Variants in USH2A observed in about 807,000 individuals in gnomAD.
USH2A encodes usherin.
A neutral mutation model predicts 538.9 loss-of-function variants in USH2A; 443 were observed. The observed-to-expected ratio is 0.82, with a 90% CI of 0.76 to 0.89. The LOEUF (loss-of-function observed/expected upper bound fraction) is 0.89, where lower values mean the gene tolerates loss of function less well. Ranked by LOEUF, USH2A falls within the 40% of genes least tolerant of loss-of-function variation. USH2A has a pLI of 0.00. For missense variants in USH2A, 6,633 were observed against 6,324.8 expected (o/e 1.05, Z -1.65); for synonymous variants, 2,413 against 2,273.5 (o/e 1.06, Z -1.75).
At chr1:216,298,530 A>G (rs763695597) in intron 9 of USH2A, among the ~76,000 whole-genome samples, 12 of 152,148 alleles carry the variant, frequency 7.9e-5, no homozygotes, top group South Asian at 4.1e-4. Context: ...CAGTGACCCA[A>G]TGGAATGGTT....
At chr1:215,844,641 C>T (rs1663787907) in intron 45 of USH2A, 145 bp from the exon 46 acceptor site, 2 of 857,842 alleles carry the variant, frequency 2.3e-6, no homozygotes, top group Admixed American at 4.1e-5. Context: ...GTCTGTAGTC[C>T]TCTGTAAATT....
At chr1:216,403,488 C>A (rs1013925316) in intron 3 of USH2A, among the ~76,000 whole-genome samples, 1 of 151,968 alleles carries the variant, frequency 6.6e-6, no homozygotes, top group Non-Finnish European at 1.5e-5. Flanking sequence ...AAAACTGCTC[C>A]AAATTCAGAT....
intron 21 of USH2A, among the ~76,000 whole-genome samples, chr1:216,113,522 C>A (rs1484781381): frequency 6.6e-6 from 1 of 152,046 alleles, no homozygotes. Context: ...AAATCTTATT[C>A]TAGTTTTAAT....
intron 64 of USH2A, among the ~76,000 whole-genome samples, chr1:215,659,256 C>T (rs1273434897): frequency 6.6e-6 from 1 of 152,066 alleles, no homozygotes; most frequent in Non-Finnish European, 1.5e-5. Flanking sequence ...GCAGAAAGTA[C>T]CAGATGAAGA....
rs778985004 is a variant in USH2A, at chr1:215,671,189, T to G, written c.13916A>C (p.His4639Pro). ...EIAPLMQPPP[H>P]LEVQMAPGGF... ...TCCTGGAGCCATTTGTACCTCCAGA[T>G]GTGGAGGGGGTTGCATCAAAGGTGC... Residue 4639 changes from histidine to proline, a missense_variant, in exon 64 of 72, where the codon CAT becomes CCT. His to Pro is a moderately conservative substitution (Grantham distance 77). Coordinates refer to ENST00000307340, the MANE Select transcript of USH2A (RefSeq NM_206933.4). The G allele has an allele frequency of 1.9e-6, 3 of 1,614,054 alleles. No homozygotes were observed. The East Asian group carries it at 6.7e-5, about 36-fold the overall frequency.
chr1:216,208,418 T>C (rs899280155), intron 15 of USH2A, among the ~76,000 whole-genome samples: 2 of 152,198 alleles, frequency 1.3e-5, no homozygotes, highest in Admixed American at 1.3e-4. Flanking sequence ...TATGTAAATG[T>C]AAGGTACAGA....
chr1:216,342,278 A>G (rs972914220), intron 4 of USH2A, among the ~76,000 whole-genome samples: 1 of 152,226 alleles, frequency 6.6e-6, no homozygotes, highest in African/African-American at 2.4e-5. Flanking sequence ...AATGCAAATC[A>G]AAACCATGAG....
At chr1:216,171,497 A>T (rs908922458) in intron 21 of USH2A, among the ~76,000 whole-genome samples, 1 of 152,128 alleles carries the variant, frequency 6.6e-6, no homozygotes, top group South Asian at 2.1e-4. Context: ...CATGTGTAAC[A>T]GCAAATAAAT....
chr1:216,068,694 T>A (rs1213657812), intron 30 of USH2A, among the ~76,000 whole-genome samples: 1 of 152,068 alleles, frequency 6.6e-6, no homozygotes, highest in Non-Finnish European at 1.5e-5. Flanking sequence ...TTTGATAGGA[T>A]AAGAGAAGCT....
At chr1:216,025,323 T>A (rs1668937499) in intron 32 of USH2A, among the ~76,000 whole-genome samples, 1 of 151,988 alleles carries the variant, frequency 6.6e-6, no homozygotes, top group Non-Finnish European at 1.5e-5. Flanking sequence ...TTATATTTGG[T>A]CTGTAGCCTT....
Position 216,190,367 on chromosome 1 carries a change from G to C in USH2A, c.4252C>G (p.Leu1418Val). 1 of 1,610,920 alleles carries C rather than the reference G, an allele frequency of 6.2e-7. No homozygotes were observed. The highest frequency in any genetic ancestry group is 8.5e-7 in the Non-Finnish European group (1 of 1,178,568). Residue 1418 changes from leucine (L) to valine (V), a missense_variant and splice_region_variant, in exon 20 of 72, where the codon CTG (leucine) becomes GTG (valine). Leu to Val is a conservative substitution (Grantham distance 32). Coordinates refer to ENST00000307340, the MANE Select transcript of USH2A (RefSeq NM_206933.4). The stretch of plus-strand genomic sequence containing the variant: ...TCTTGGGATTTAGCAGTGTGCAACA[G>C]CTTCAAGGCAAAAAAGAAAGAAAGA... ...QQSIPMAFSQ[L>V]LHTAKSQELS...
chr1:216,094,328 A>T (rs1039384036), intron 22 of USH2A, among the ~76,000 whole-genome samples: 40 of 152,124 alleles, frequency 2.6e-4, no homozygotes, highest in African/African-American at 9.4e-4. Flanking sequence ...TATTTATTTA[A>T]CGAAAACAAA....
chr1:215,869,785 A>C (rs1391141503), intron 43 of USH2A, among the ~76,000 whole-genome samples: 1 of 152,146 alleles, frequency 6.6e-6, no homozygotes, highest in Admixed American at 6.5e-5. Context: ...TCTTTCCTAC[A>C]TGTGGAATTA....
intron 61 of USH2A, among the ~76,000 whole-genome samples, chr1:215,701,556 C>T (rs1050560314): frequency 6.6e-6 from 1 of 152,144 alleles, no homozygotes; most frequent in Admixed American, 6.5e-5. Context: ...TCCATTGATC[C>T]CTTTACCACT....
intron 63 of USH2A, 53 bp downstream of exon 63, chr1:215,674,047 A>C: frequency 6.2e-7 from 1 of 1,613,330 alleles, no homozygotes; most frequent in Non-Finnish European, 8.5e-7. Context: ...GGCTCAGGCA[A>C]TAGAAAGGTC....
At chr1:216,356,045 T>C (rs945148381) in intron 4 of USH2A, among the ~76,000 whole-genome samples, 117 of 152,108 alleles carry the variant, frequency 7.7e-4, no homozygotes, top group African/African-American at 2.8e-3. Flanking sequence ...GGAAATTGGA[T>C]TGAGAAGTTA....
At position 215,674,709 on chromosome 1, in the gene USH2A, C is replaced by T. The variant is rs763576540; in HGVS notation, c.13202G>A (p.Gly4401Asp). 3 of 1,614,090 alleles carry T rather than the reference C, an allele frequency of 1.9e-6. No individual in the cohort carries two copies. The highest frequency in any genetic ancestry group is 2.2e-5 in the East Asian group (1 of 44,866). ...VRYDNKESLA[G>D]QGLCLLVSHL... The stretch of plus-strand genomic sequence containing the variant: ...GGAAACCAGCAGGCACAGGCCCTGG[C>T]CAGCAAGGGACTCTTTATTATCATA... Residue 4401 changes from glycine to aspartate, a missense_variant, in exon 63 of 72, where the codon GGC becomes GAC. Coordinates refer to ENST00000307340, the MANE Select transcript of USH2A (RefSeq NM_206933.4).
At chr1:215,706,750 G>C (rs932252679) in intron 61 of USH2A, among the ~76,000 whole-genome samples, 2 of 152,118 alleles carry the variant, frequency 1.3e-5, no homozygotes, top group Admixed American at 6.5e-5. Flanking sequence ...AAAGCATTAA[G>C]TCAACCAGCT....
intron 3 of USH2A, among the ~76,000 whole-genome samples, chr1:216,409,637 C>T (rs1246499687): frequency 2.6e-5 from 4 of 152,070 alleles, no homozygotes; most frequent in Admixed American, 6.6e-5. Flanking sequence ...GGGGAAAGGA[C>T]TCCCTATTCA....
Sources: allele counts gnomAD v4.1 joint callset (sites outside exome capture counted in the v4.1 genomes callset), GRCh38; gene constraint gnomAD v4.1.1; transcripts MANE v1.5; gene names NCBI Gene and HGNC (gene_info 2026-07-23, HGNC 2026-07-21).